The following MAP4K3 variants were observed in gnomAD, a reference collection of about 807,000 sequenced individuals.
MAP4K3 encodes MAPK/ERK kinase kinase kinase 3.
Under a neutral mutation model 143.5 loss-of-function variants are expected in MAP4K3, and 94 were observed. The observed-to-expected ratio is 0.65, with a 90% CI of 0.55 to 0.78. MAP4K3 has a LOEUF of 0.78. Ranked by LOEUF, MAP4K3 falls within the 30% of genes least tolerant of loss-of-function variation. The pLI, the probability that MAP4K3 is intolerant of heterozygous loss-of-function variation, is 0.00. For missense variants in MAP4K3, 1,077 were observed against 1,068.1 expected (o/e 1.01, Z -0.12); for synonymous variants, 416 against 347.2 (o/e 1.20, Z -2.20).
At chr2:39,290,640 G>C (rs1573103170) in intron 18 of MAP4K3, among the ~76,000 whole-genome samples, 1 of 152,086 alleles carries the variant, frequency 6.6e-6, no homozygotes, top group East Asian at 1.9e-4. Flanking sequence ...CAGAACATAG[G>C]ATACTAGGAA....
intron 2 of MAP4K3, among the ~76,000 whole-genome samples, chr2:39,369,060 A>G (rs1666002599): frequency 1.3e-5 from 2 of 152,032 alleles, no homozygotes; most frequent in South Asian, 4.2e-4. Context: ...ATGTCTTCTC[A>G]CCAGCAGGGC....
rs541162936 is a variant in MAP4K3 at position 39,376,479 on chromosome 2, G to C, written c.154+1587C>G. 3.3e-5 allele frequency among the ~76,000 whole-genome samples: 5 copies of C among 152,268 alleles called. No individual in the cohort carries two copies. In the South Asian group the frequency reaches 6.2e-4, roughly 19 times the overall value. On this transcript the variant is annotated intron_variant, in intron 2 of 33. Transcript: ENST00000263881. Reference sequence around the variant, plus strand: ...CAGTGCAACAACTTGAACATTTCATGAACAGAAAATAATTGACTTGAACAG... The same window carrying C: ...CAGTGCAACAACTTGAACATTTCATCAACAGAAAATAATTGACTTGAACAG...
intron 19 of MAP4K3, among the ~76,000 whole-genome samples, 185 bp from the exon 20 acceptor site, chr2:39,288,465 T>A (rs963722930): frequency 3.9e-5 from 6 of 152,204 alleles, no homozygotes; most frequent in Non-Finnish European, 7.3e-5. Context: ...ATTCTAAAAA[T>A]GTACACTAAA....
intron 17 of MAP4K3, 36 bp downstream of exon 17, chr2:39,293,194 G>C (rs1420867750): frequency 7.0e-7 from 1 of 1,429,026 alleles, no homozygotes; most frequent in East Asian, 2.4e-5. Context: ...ACTTGTCTGT[G>C]ACATAAAGTA....
intron 21 of MAP4K3, among the ~76,000 whole-genome samples, chr2:39,284,908 AGAGAT>A (rs1681697685): frequency 6.6e-6 from 1 of 151,708 alleles, no homozygotes; most frequent in Non-Finnish European, 1.5e-5. Flanking sequence ...AATTTTTTTT[AGAGAT>A]ATGGTCTTGC....
chr2:39,399,878 T>C (rs1666907375), intron 1 of MAP4K3, among the ~76,000 whole-genome samples: 1 of 152,200 alleles, frequency 6.6e-6, no homozygotes. Flanking sequence ...AGGTACATAA[T>C]ATTTATATGG....
At chr2:39,286,995 T>C (rs3755172) in intron 20 of MAP4K3, 31 bp from the exon 21 acceptor site, 1,108,156 of 1,366,958 alleles carry the variant, frequency 0.81, 459,872 homozygotes, top group Non-Finnish European at 0.85. Context: ...TGAAAATGAT[T>C]AATCTTCATG....
intron 15 of MAP4K3, among the ~76,000 whole-genome samples, chr2:39,301,708 G>GGC (rs1414206794): frequency 6.6e-6 from 1 of 151,742 alleles, no homozygotes; most frequent in African/African-American, 2.4e-5. Context: ...ATATAGGCCG[G>GGC]GCGCGGTAAT....
At chr2:39,436,678 G>C (rs1209102398) in intron 1 of MAP4K3, 7 of 563,394 alleles carry the variant, frequency 1.2e-5, no homozygotes, top group African/African-American at 7.8e-5. Flanking sequence ...ATGTCCACCG[G>C]GGGGGCTCAG....
chr2:39,377,198 G>A (rs199524064), intron 2 of MAP4K3, among the ~76,000 whole-genome samples: 1 of 31,996 alleles, frequency 3.1e-5, no homozygotes, highest in African/African-American at 5.4e-5. Context: ...TTGGCTATTT[G>A]GCCTTTTTTT....
chr2:39,358,194 T>A (rs985252233), intron 2 of MAP4K3, among the ~76,000 whole-genome samples: 10 of 152,204 alleles, frequency 6.6e-5, no homozygotes, highest in African/African-American at 2.4e-4. Flanking sequence ...ACTATAAGCA[T>A]CATAACTTCT....
At chr2:39,251,933 A>G (rs1445283300) in intron 32 of MAP4K3, 48 bp from the exon 33 acceptor site, 3 of 1,249,688 alleles carry the variant, frequency 2.4e-6, no homozygotes, top group Non-Finnish European at 3.5e-6. Flanking sequence ...AAGACACAAA[A>G]TTTTTAATGG....
intron 26 of MAP4K3, among the ~76,000 whole-genome samples, chr2:39,270,932 G>A (rs542133745): frequency 2.0e-5 from 3 of 152,144 alleles, no homozygotes; most frequent in East Asian, 1.9e-4. Context: ...ACTGAAGAAA[G>A]TGGGAAGGAC....
chr2:39,411,239 T>C (rs1667224621), intron 1 of MAP4K3, among the ~76,000 whole-genome samples: 1 of 152,182 alleles, frequency 6.6e-6, no homozygotes, highest in Admixed American at 6.5e-5. Context: ...TAAAGCAGAG[T>C]ACAGACAGAA....
At chr2:39,407,972 G>T (rs1667140353) in intron 1 of MAP4K3, among the ~76,000 whole-genome samples, 1 of 151,938 alleles carries the variant, frequency 6.6e-6, no homozygotes, top group Admixed American at 6.6e-5. Flanking sequence ...AGGATTTATG[G>T]CAGGAAAGGA....
At chr2:39,272,146 T>TG in intron 26 of MAP4K3, 137 bp downstream of exon 26, 3 of 594,834 alleles carry the variant, frequency 5.0e-6, no homozygotes, top group Non-Finnish European at 5.8e-6. Context: ...ACTAAGCACT[T>TG]GTTAATGTAT....
chr2:39,317,764 G>C (rs888046732), intron 12 of MAP4K3, among the ~76,000 whole-genome samples: 10 of 152,090 alleles, frequency 6.6e-5, no homozygotes, highest in Middle Eastern at 3.2e-3. Flanking sequence ...AACAGATTAT[G>C]GCAAGGCAGC....
intron 12 of MAP4K3, among the ~76,000 whole-genome samples, chr2:39,322,800 G>C (rs1020914643): frequency 1.1e-4 from 16 of 151,540 alleles, no homozygotes; most frequent in African/African-American, 3.6e-4. Flanking sequence ...CCCCTGAATA[G>C]CTGGGATTAC....
At chr2:39,370,751 A>T (rs1253882060) in intron 2 of MAP4K3, among the ~76,000 whole-genome samples, 1 of 152,160 alleles carries the variant, frequency 6.6e-6, no homozygotes, top group African/African-American at 2.4e-5. Flanking sequence ...CATTTAGAAG[A>T]GTTTTTCCTA....
Sources: gnomAD v4.1 joint callset for allele counts (sites outside exome capture counted in the v4.1 genomes callset) on GRCh38, gnomAD v4.1.1 for gene constraint, MANE v1.5 for transcripts, NCBI Gene and HGNC (gene_info 2026-07-23, HGNC 2026-07-21) for gene names.